Variants in CDH4 observed in about 807,000 individuals in gnomAD.
CDH4 encodes cadherin-4.
CDH4 carries 33 observed loss-of-function variants against 86.0 expected under a neutral mutation model. The ratio of observed to expected loss-of-function variants is 0.38; its 90% CI spans 0.29 to 0.51. The LOEUF is 0.51. Ranked by LOEUF, CDH4 falls within the 20% of genes least tolerant of loss-of-function variation. The pLI, the probability that CDH4 is intolerant of heterozygous loss-of-function variation, is 0.86. For missense variants in CDH4, 1,114 were observed against 1,307.4 expected (o/e 0.85, Z 2.28); for synonymous variants, 555 against 549.4 (o/e 1.01, Z -0.14).
In CDH4 at chr20:61,711,303, T is replaced by G. The variant is rs147957131; in HGVS notation, c.170-32260T>G. Among the ~76,000 whole-genome samples, 5 of 152,372 alleles carry G rather than the reference T, an allele frequency of 3.3e-5. 1 individual carries two copies. In the East Asian group the frequency reaches 9.7e-4, roughly 29 times the overall value. ...TTTTCTGAGGCCTCCCCAGCCATGCTGAACTGTGAGTCAATTAAACCTCTT... is the reference window on the plus strand; with the variant it reads ...TTTTCTGAGGCCTCCCCAGCCATGCGGAACTGTGAGTCAATTAAACCTCTT... On this transcript the variant is annotated intron_variant, in intron 2 of 15. Transcript: ENST00000614565.
Position 61,754,349 on chromosome 20 carries a change from AG to A in CDH4, c.396+10563del, listed in dbSNP as rs2088533078. Among the ~76,000 whole-genome samples, 1 of 152,090 alleles carries A rather than the reference AG, an allele frequency of 6.6e-6. No homozygotes were observed. Among genetic ancestry groups the A allele is most frequent in the South Asian group, 2.1e-4 (1 of 4,830 alleles). ...GTGTCCCCAGCCAGGGGTCCCGCCC[AG>A]GGCTCCAAATACCCCTGAATCCTCT... On this transcript the variant is annotated intron_variant, in intron 3 of 15. Coordinates refer to ENST00000614565, the MANE Select transcript of CDH4 (RefSeq NM_001794.5). The surrounding 1 kb of genome is among the most constrained non-coding windows in gnomAD (Gnocchi z 4.7).
chr20:61,925,993 A>G (rs1656023562), intron 11 of CDH4, among the ~76,000 whole-genome samples: 1 of 152,206 alleles, frequency 6.6e-6, no homozygotes, highest in Non-Finnish European at 1.5e-5. Flanking sequence ...TTCTAGATGG[A>G]CAGTGATGAT....
intron 2 of CDH4, among the ~76,000 whole-genome samples, chr20:61,263,986 T>C (rs2084142131): frequency 6.6e-6 from 1 of 152,134 alleles, no homozygotes; most frequent in Non-Finnish European, 1.5e-5. Flanking sequence ...TGTGATTACC[T>C]TGGGCCTCCC....
chr20:61,697,757 G>A (rs2087730875), intron 2 of CDH4, among the ~76,000 whole-genome samples: 1 of 152,222 alleles, frequency 6.6e-6, no homozygotes, highest in Non-Finnish European at 1.5e-5. Context: ...CTCCCCAGAG[G>A]GGTGTCCATC....
chr20:61,821,151 C>G (rs1372880612), intron 4 of CDH4, among the ~76,000 whole-genome samples: 1 of 149,344 alleles, frequency 6.7e-6, no homozygotes, highest in East Asian at 2.0e-4. Context: ...CTCCAGTCCC[C>G]TCTCACTCCC....
chr20:61,798,964 G>A (rs1397846824), intron 4 of CDH4, among the ~76,000 whole-genome samples: 1 of 152,232 alleles, frequency 6.6e-6, no homozygotes, highest in Non-Finnish European at 1.5e-5. Flanking sequence ...GACAGCTACT[G>A]TGTTGTGATC....
intron 2 of CDH4, among the ~76,000 whole-genome samples, chr20:61,728,799 C>T (rs6142840): frequency 0.34 from 50,989 of 152,060 alleles, 9,498 homozygotes; most frequent in South Asian, 0.43. Flanking sequence ...AAAAATGTGA[C>T]GTTTTTAAGA....
In CDH4 at chr20:61,501,453, A is replaced by G. The variant is rs370143993; in HGVS notation, c.170-242110A>G. 1.1e-4 allele frequency among the ~76,000 whole-genome samples: 17 copies of G among 152,262 alleles called. No homozygotes were observed. The East Asian group carries it at 1.2e-3, about 10-fold the overall frequency. On this transcript the variant is annotated intron_variant, in intron 2 of 15. Transcript: ENST00000614565. This position sits in a 1 kb window ranked among gnomAD's most constrained non-coding sequence, Gnocchi z 4.2. ...CTACGTACTTGGCCACGGAGAGTCC[A>G]GGTGGGAAGAATTTATTAGGTGAGC...
At chr20:61,878,518 G>A (rs879257907) in intron 7 of CDH4, among the ~76,000 whole-genome samples, 1 of 152,224 alleles carries the variant, frequency 6.6e-6, no homozygotes, top group Non-Finnish European at 1.5e-5. Context: ...TTCCATTAGG[G>A]AAGCTGCCTC....
intron 2 of CDH4, among the ~76,000 whole-genome samples, chr20:61,691,617 G>A (rs780336622): frequency 1.1e-4 from 16 of 152,112 alleles, no homozygotes; most frequent in Non-Finnish European, 2.2e-4. Context: ...AAACCTACAT[G>A]GTCCAGCCTT....
At chr20:61,482,090 C>T (rs1414769707) in intron 2 of CDH4, among the ~76,000 whole-genome samples, 1 of 152,150 alleles carries the variant, frequency 6.6e-6, no homozygotes, top group Non-Finnish European at 1.5e-5. Flanking sequence ...CTTAGAATCC[C>T]GCTTTGCTCT....
chr20:61,798,803 C>T (rs1397522284), intron 4 of CDH4, among the ~76,000 whole-genome samples: 2 of 152,216 alleles, frequency 1.3e-5, no homozygotes, highest in Non-Finnish European at 2.9e-5. Context: ...GGCAGGATGG[C>T]GGCTGTGTGT....
chr20:61,346,969 CAT>C, intron 2 of CDH4, among the ~76,000 whole-genome samples: 1 of 152,262 alleles, frequency 6.6e-6, no homozygotes, highest in South Asian at 2.1e-4. Flanking sequence ...GATTGGCACA[CAT>C]GTCTCATAAA....
chr20:61,533,404 C>T (rs780065336), intron 2 of CDH4, among the ~76,000 whole-genome samples: 2 of 152,226 alleles, frequency 1.3e-5, no homozygotes, highest in Non-Finnish European at 2.9e-5. Flanking sequence ...AAAGCTGCGT[C>T]GCCCAAGTCC....
intron 2 of CDH4, chr20:61,369,763 G>A (rs1171779068): frequency 6.6e-6 from 1 of 151,788 alleles, no homozygotes; most frequent in Non-Finnish European, 1.5e-5. Flanking sequence ...CAAATGGAAA[G>A]GGACAGGGCT....
intron 2 of CDH4, among the ~76,000 whole-genome samples, chr20:61,563,237 G>A (rs977025708): frequency 2.0e-5 from 3 of 152,234 alleles, no homozygotes; most frequent in Admixed American, 1.3e-4. Flanking sequence ...TCCCCTTGCC[G>A]GCTCCAGGAA....
At chr20:61,763,700 T>A (rs1600961681) in intron 3 of CDH4, among the ~76,000 whole-genome samples, 1 of 152,204 alleles carries the variant, frequency 6.6e-6, no homozygotes, top group East Asian at 1.9e-4. Flanking sequence ...AGTTTCTGCA[T>A]GGAAGCCGGG....
At chr20:61,456,297 G>A (rs1174619161) in intron 2 of CDH4, among the ~76,000 whole-genome samples, 2 of 152,212 alleles carry the variant, frequency 1.3e-5, no homozygotes, top group Non-Finnish European at 2.9e-5. Context: ...GCAACATGGC[G>A]GGTGAAATCT....
chr20:61,316,452 A>G (rs1316960556), intron 2 of CDH4, among the ~76,000 whole-genome samples: 8 of 152,240 alleles, frequency 5.3e-5, no homozygotes, highest in Admixed American at 5.2e-4. Context: ...GTGTTGTTCC[A>G]ACAGAGACGG....
Sources: gnomAD v4.1 joint callset for allele counts (sites outside exome capture counted in the v4.1 genomes callset) on GRCh38, gnomAD v4.1.1 for gene constraint, Gnocchi (gnomAD v3.1) non-coding constraint, MANE v1.5 for transcripts, NCBI Gene and HGNC (gene_info 2026-07-23, HGNC 2026-07-21) for gene names.